Variants in BICD1 observed in about 807,000 individuals in gnomAD.
The protein encoded by BICD1 is protein bicaudal D homolog 1.
A neutral mutation model predicts 92.5 loss-of-function variants in BICD1; 35 were observed. The observed-to-expected ratio is 0.38, with a 90% CI of 0.29 to 0.50. The LOEUF is 0.50. Ranked by LOEUF, BICD1 falls within the 20% of genes least tolerant of loss-of-function variation. The pLI, the probability that BICD1 is intolerant of heterozygous loss-of-function variation, is 0.93. For missense variants in BICD1, 950 were observed against 1,189.8 expected (o/e 0.80, Z 2.97); for synonymous variants, 429 against 465.1 (o/e 0.92, Z 1.00).
intron 1 of BICD1, among the ~76,000 whole-genome samples, chr12:32,123,847 A>G (rs1942238381): frequency 6.6e-6 from 1 of 151,904 alleles, no homozygotes; most frequent in Admixed American, 6.6e-5. Context: ...ACTGCACTCC[A>G]TCCTGGGCGA....
chr12:32,157,034 A>T (rs1943459199), intron 1 of BICD1, among the ~76,000 whole-genome samples: 1 of 152,322 alleles, frequency 6.6e-6, no homozygotes, highest in East Asian at 1.9e-4. Context: ...GTTGCCTGGG[A>T]TATAATTACT....
At chr12:32,279,385 T>C (rs1471330250) in intron 2 of BICD1, among the ~76,000 whole-genome samples, 6 of 152,234 alleles carry the variant, frequency 3.9e-5, no homozygotes, top group Non-Finnish European at 8.8e-5. Flanking sequence ...ATATGAGTTA[T>C]AGCTCGATAA....
In BICD1 at chr12:32,381,172, A is replaced by T. The variant is rs532524502; in HGVS notation, c.*3545A>T. The T allele has an allele frequency of 6.6e-6, 1 of 152,236 alleles. No individual in the cohort carries two copies. The highest frequency in any genetic ancestry group is 2.1e-4 in the South Asian group (1 of 4,828). The allele number at this position is 152,236 out of a possible 1,614,324, so 9.4% of individuals were successfully genotyped here. ...ATAGGATGGCAATCTTTATTTTTCC[A>T]AGATATTTGTTGGAAAAAAATGATC... On this transcript the variant is annotated 3_prime_UTR_variant, in exon 10 of 10. Coordinates refer to ENST00000652176, the MANE Select transcript of BICD1 (RefSeq NM_001714.4).
At chr12:32,122,269 C>G (rs1942182023) in intron 1 of BICD1, among the ~76,000 whole-genome samples, 1 of 151,888 alleles carries the variant, frequency 6.6e-6, no homozygotes, top group Non-Finnish European at 1.5e-5. Context: ...AGATCGAGAC[C>G]ATCCTAACAC....
chr12:32,294,414 T>C (rs901449884), intron 3 of BICD1, among the ~76,000 whole-genome samples: 1 of 152,140 alleles, frequency 6.6e-6, no homozygotes, highest in Non-Finnish European at 1.5e-5. Context: ...ATTTATTTCA[T>C]AAGTCAAATG....
intron 2 of BICD1, among the ~76,000 whole-genome samples, chr12:32,283,165 G>A (rs992007442): frequency 1.3e-5 from 2 of 151,930 alleles, no homozygotes; most frequent in African/African-American, 4.8e-5. Flanking sequence ...AGAGAGAGAA[G>A]TAAATAACTT....
At chr12:32,326,356 A>G (rs1253157054) in intron 4 of BICD1, among the ~76,000 whole-genome samples, 2 of 152,128 alleles carry the variant, frequency 1.3e-5, no homozygotes, top group Non-Finnish European at 2.9e-5. Flanking sequence ...ATGGAAGGAG[A>G]GAAAATGGTT....
At chr12:32,251,939 G>A (rs73082230) in intron 2 of BICD1, among the ~76,000 whole-genome samples, 231 of 129,114 alleles carry the variant, frequency 1.8e-3, no homozygotes, top group Middle Eastern at 4.2e-3. Context: ...TGGGGCGCTC[G>A]GGAGTTTGTT....
chr12:32,251,321 A>T (rs1199756016), intron 2 of BICD1, among the ~76,000 whole-genome samples: 1 of 152,218 alleles, frequency 6.6e-6, no homozygotes, highest in East Asian at 1.9e-4. Flanking sequence ...CATGCTATAG[A>T]AGTAAATACT....
intron 1 of BICD1, among the ~76,000 whole-genome samples, chr12:32,165,026 T>C (rs1354807431): frequency 6.6e-6 from 1 of 152,098 alleles, no homozygotes; most frequent in Admixed American, 6.6e-5. Flanking sequence ...CAGGGAGGTC[T>C]CTCGAGAAAG....
chr12:32,142,401 T>C (rs1290725339), intron 1 of BICD1, among the ~76,000 whole-genome samples: 1 of 57,414 alleles, frequency 1.7e-5, no homozygotes, highest in Non-Finnish European at 3.0e-5. Flanking sequence ...AGTGAGACTC[T>C]GTCTAAAAAA....
intron 1 of BICD1, among the ~76,000 whole-genome samples, chr12:32,167,776 G>A (rs1281656720): frequency 6.6e-6 from 1 of 152,086 alleles, no homozygotes; most frequent in Admixed American, 6.6e-5. Context: ...ATTTGACAGG[G>A]ATTTCCCTAT....
intron 2 of BICD1, among the ~76,000 whole-genome samples, chr12:32,247,456 A>G (rs552805459): frequency 6.6e-6 from 1 of 152,220 alleles, no homozygotes; most frequent in Non-Finnish European, 1.5e-5. Context: ...GGTGTACAGA[A>G]GCAGGTAGAG....
At chr12:32,297,087 C>G (rs1398704304) in intron 3 of BICD1, among the ~76,000 whole-genome samples, 1 of 152,216 alleles carries the variant, frequency 6.6e-6, no homozygotes, top group African/African-American at 2.4e-5. Flanking sequence ...ATTGGGGGAA[C>G]TGAAATGCCA....
chr12:32,339,078 AC>A, intron 8 of BICD1, 99 bp downstream of exon 8: 4 of 1,393,542 alleles, frequency 2.9e-6, no homozygotes, highest in South Asian at 3.4e-5. Context: ...TGCAGAGTAT[AC>A]CTTTGATGAT....
At chr12:32,331,026 C>A (rs186728555) in intron 5 of BICD1, among the ~76,000 whole-genome samples, 1 of 151,916 alleles carries the variant, frequency 6.6e-6, no homozygotes, top group African/African-American at 2.4e-5. Context: ...CCCAGCTACT[C>A]GGGAGGCTGA....
intron 5 of BICD1, among the ~76,000 whole-genome samples, chr12:32,331,075 CG>C (rs1565676995): frequency 6.6e-6 from 1 of 151,688 alleles, no homozygotes; most frequent in African/African-American, 2.4e-5. Context: ...GCGGAGGTTG[CG>C]GTGAGCCTAG....
At chr12:32,203,375 C>G (rs1316805105) in intron 1 of BICD1, among the ~76,000 whole-genome samples, 1 of 152,112 alleles carries the variant, frequency 6.6e-6, no homozygotes, top group African/African-American at 2.4e-5. Context: ...CAAAAGACAT[C>G]GCTAAAAGAG....
At chr12:32,255,883 G>A (rs745456759) in intron 2 of BICD1, among the ~76,000 whole-genome samples, 13 of 152,082 alleles carry the variant, frequency 8.5e-5, no homozygotes, top group South Asian at 4.1e-4. Context: ...GCGGCCAGGC[G>A]TATTAAAATA....
Sources: allele counts gnomAD v4.1 joint callset (sites outside exome capture counted in the v4.1 genomes callset), GRCh38; gene constraint gnomAD v4.1.1; transcripts MANE v1.5; gene names NCBI Gene and HGNC (gene_info 2026-07-23, HGNC 2026-07-21).